The following KCNMA1 variants were observed in gnomAD, a reference collection of about 807,000 sequenced individuals.
The protein encoded by KCNMA1 is Calcium-activated potassium channel subunit alpha-1.
A neutral mutation model predicts 140.0 loss-of-function variants in KCNMA1; 29 were observed. The ratio of observed to expected loss-of-function variants is 0.21; its 90% CI spans 0.15 to 0.28. KCNMA1 has a LOEUF of 0.28. KCNMA1 is among the 10% of genes least tolerant of loss of function. KCNMA1 has a pLI of 1.00. For synonymous variants in KCNMA1, 612 were observed against 611.9 expected, an observed-to-expected ratio of 1.00 and a Z score of 0.00; for missense variants, 880 against 1,602.2, an observed-to-expected ratio of 0.55 and a Z score of 7.70.
chr10:76,946,186 T>C (rs2063897881), intron 22 of KCNMA1, among the ~76,000 whole-genome samples: 1 of 152,202 alleles, frequency 6.6e-6, no homozygotes, highest in South Asian at 2.1e-4. Context: ...GGCCTCCACA[T>C]GCTCTGTGTC....
At chr10:77,627,860 A>G (rs967508350) in intron 1 of KCNMA1, among the ~76,000 whole-genome samples, 6 of 152,252 alleles carry the variant, frequency 3.9e-5, no homozygotes, top group Admixed American at 3.9e-4. Flanking sequence ...ACTGGGGAGG[A>G]ATCGCACAGG....
chr10:77,349,014 T>C (rs1006146802), intron 2 of KCNMA1, among the ~76,000 whole-genome samples: 1 of 152,206 alleles, frequency 6.6e-6, no homozygotes, highest in African/African-American at 2.4e-5. Flanking sequence ...TGTATTGGAC[T>C]TTGAAGATGA....
rs554272875 is a variant in KCNMA1, at chr10:77,030,682, A to G, written c.1860-2791T>C. 3.3e-5 allele frequency among the ~76,000 whole-genome samples: 5 copies of G among 152,244 alleles called. No homozygotes were observed. The East Asian group carries it at 9.7e-4, about 29-fold the overall frequency. ...CTAGCTACTACAGTACCATCTACCA[A>G]CTGGATATAAAAAGAAAAGAGTTTC... is the stretch of plus-strand genomic sequence containing the variant. On this transcript the variant is annotated intron_variant, in intron 15 of 27. Transcript: ENST00000286628.
intron 5 of KCNMA1, among the ~76,000 whole-genome samples, chr10:77,181,900 G>A (rs2098805743): frequency 6.6e-6 from 1 of 152,022 alleles, no homozygotes; most frequent in Non-Finnish European, 1.5e-5. Flanking sequence ...AATCTTTTTA[G>A]GATATGGACA....
intron 1 of KCNMA1, among the ~76,000 whole-genome samples, chr10:77,592,875 G>T (rs779032566): frequency 1.3e-5 from 2 of 152,190 alleles, no homozygotes; most frequent in African/African-American, 2.4e-5. Flanking sequence ...TGAGCCCCTG[G>T]AGTGGACAGT....
At chr10:77,183,341 G>T (rs543129645) in intron 5 of KCNMA1, 80 bp downstream of exon 5, 5 of 899,780 alleles carry the variant, frequency 5.6e-6, no homozygotes, top group Non-Finnish European at 7.5e-6. Context: ...TAGGGAGACA[G>T]CCCCCTCATC....
chr10:77,571,038 G>A (rs2719980), intron 1 of KCNMA1, among the ~76,000 whole-genome samples: 138,652 of 152,190 alleles, frequency 0.91, 63,299 homozygotes, highest in Middle Eastern at 0.97. Context: ...AAGATCTTCA[G>A]TTTCAGTTAT....
At position 77,157,806 on chromosome 10, in the gene KCNMA1, T is replaced by G. The variant is rs377400330; in HGVS notation, c.808+25615A>C. Among the ~76,000 whole-genome samples, 16 of 152,294 alleles carry G rather than the reference T, an allele frequency of 1.1e-4. No individual in the cohort carries two copies. The East Asian group carries it at 2.1e-3, about 20-fold the overall frequency. On this transcript the variant is annotated intron_variant, in intron 5 of 27. Transcript: ENST00000286628. ...AGGCTGCAGTGTCTCCAAGCCCCAC[T>G]GCCTTTAATGGGAACAGCGTCCTGG...
intron 2 of KCNMA1, among the ~76,000 whole-genome samples, chr10:77,310,690 T>C (rs913079120): frequency 2.6e-5 from 4 of 152,232 alleles, no homozygotes; most frequent in Admixed American, 6.5e-5. Context: ...GAGATTGTTT[T>C]AAGATCATGA....
chr10:77,175,328 C>T (rs1252960128), intron 5 of KCNMA1, among the ~76,000 whole-genome samples: 7 of 152,142 alleles, frequency 4.6e-5, no homozygotes, highest in African/African-American at 7.2e-5. Flanking sequence ...ATTTACTCAT[C>T]GAGTTATTGT....
At chr10:77,383,457 T>C in intron 2 of KCNMA1, among the ~76,000 whole-genome samples, 1 of 151,320 alleles carries the variant, frequency 6.6e-6, no homozygotes. Context: ...AAAATATACA[T>C]AAGATAAAAT....
At chr10:76,961,208 A>C (rs2071286716) in intron 20 of KCNMA1, among the ~76,000 whole-genome samples, 1 of 151,466 alleles carries the variant, frequency 6.6e-6, no homozygotes, top group African/African-American at 2.4e-5. Flanking sequence ...TATCAACAGG[A>C]GTTTGGAAGA....
In KCNMA1 at chr10:77,637,052, G is replaced by T. The variant is rs544620313; in HGVS notation, c.378+213C>A. 24 of 1,386,970 alleles carry T rather than the reference G, an allele frequency of 1.7e-5. No individual in the cohort carries two copies. In the Admixed American group the frequency reaches 2.8e-4, roughly 16 times the overall value. The allele number at this position is 1,386,970 out of a possible 1,614,324, so 85.9% of individuals were successfully genotyped here. A position where few individuals can be genotyped will look rare whatever the true frequency, so the allele number is the denominator to read the frequency against. ...GGATTGAGCGTCCGCGTCCCGGAGC[G>T]CACTGGCTGGGGGCAACTCCTCACC... On this transcript the variant is annotated intron_variant, in intron 1 of 27. Transcript: ENST00000286628.
At chr10:76,942,040 C>T (rs985939400) in intron 23 of KCNMA1, among the ~76,000 whole-genome samples, 8 of 152,272 alleles carry the variant, frequency 5.3e-5, no homozygotes, top group East Asian at 1.9e-4. Flanking sequence ...GGTGCCATCT[C>T]GGCTCACTGT....
intron 14 of KCNMA1, among the ~76,000 whole-genome samples, chr10:77,055,785 C>A (rs1565816219): frequency 6.6e-6 from 1 of 152,116 alleles, no homozygotes; most frequent in African/African-American, 2.4e-5. Flanking sequence ...GCCCTTCCAT[C>A]AAAAGATCAA....
chr10:77,119,820 G>A (rs2097557431), intron 6 of KCNMA1, among the ~76,000 whole-genome samples: 1 of 152,166 alleles, frequency 6.6e-6, no homozygotes, highest in East Asian at 1.9e-4. Context: ...TTTTCAACTT[G>A]ACTAATAGAA....
At position 76,898,508 on chromosome 10, in the gene KCNMA1, G is replaced by C. The variant is rs534069160; in HGVS notation, c.3148-6789C>G. ...TATTTTTACTAAACTTTGTAACAAC[G>C]ATTACAAAAAAAAAAATCAATGGCC... On this transcript the variant is annotated intron_variant, in intron 25 of 27. Transcript: ENST00000286628. Among the ~76,000 whole-genome samples the C allele has an allele frequency of 4.5e-4, 67 of 148,938 alleles. 1 individual carries two copies. Among genetic ancestry groups the C allele is most frequent in the South Asian group, 8.4e-4 (4 of 4,754 alleles).
chr10:77,540,092 C>T (rs2059836451), intron 1 of KCNMA1, among the ~76,000 whole-genome samples: 1 of 152,214 alleles, frequency 6.6e-6, no homozygotes, highest in South Asian at 2.1e-4. Flanking sequence ...AATAATTCCT[C>T]CCAGAATCAT....
At chr10:76,919,100 T>A (rs2054253325) in intron 23 of KCNMA1, among the ~76,000 whole-genome samples, 1 of 152,124 alleles carries the variant, frequency 6.6e-6, no homozygotes, top group South Asian at 2.1e-4. Flanking sequence ...ATGTGGGAGC[T>A]ATGCTATGGA....
Sources: gnomAD v4.1 joint callset for allele counts (sites outside exome capture counted in the v4.1 genomes callset) on GRCh38, gnomAD v4.1.1 for gene constraint, MANE v1.5 for transcripts, NCBI Gene and HGNC (gene_info 2026-07-23, HGNC 2026-07-21) for gene names.